LAYN: variants seen among roughly 807,000 people sequenced by gnomAD.
LAYN encodes the protein layilin.
Under a neutral mutation model 43.6 loss-of-function variants are expected in LAYN, and 38 were observed. That is an observed-to-expected ratio of 0.87 (90% CI 0.67 to 1.14). LAYN has a LOEUF of 1.14. LAYN is among the 50% of genes most tolerant of loss of function. LAYN has a pLI of 0.00. For missense variants in LAYN, 479 were observed against 463.8 expected (o/e 1.03, Z -0.30); for synonymous variants, 168 against 172.9 (o/e 0.97, Z 0.22).
intron 4 of LAYN, 92 bp from the exon 5 acceptor site, chr11:111,555,115 T>A (rs1328650469): frequency 3.1e-6 from 3 of 964,788 alleles, no homozygotes; most frequent in Non-Finnish European, 4.8e-6. Flanking sequence ...TTCTACAGCT[T>A]TTTTGCATCC....
intron 6 of LAYN, 102 bp from the exon 7 acceptor site, chr11:111,559,993 G>A: frequency 7.3e-7 from 1 of 1,364,580 alleles, no homozygotes; most frequent in Non-Finnish European, 9.9e-7. Flanking sequence ...CATGCAGCTG[G>A]GTGACTGCCC....
At chr11:111,541,456 T>A in intron 1 of LAYN, 1 of 1,128,850 alleles carries the variant, frequency 8.9e-7, no homozygotes, top group Non-Finnish European at 1.3e-6. Context: ...GCGCCCGGTA[T>A]GAGAGCGCTT....
At chr11:111,544,242 C>G in intron 2 of LAYN, 22 bp downstream of exon 2, 2 of 1,593,614 alleles carry the variant, frequency 1.3e-6, no homozygotes, top group Non-Finnish European at 1.7e-6. Flanking sequence ...GAACCCACAG[C>G]TGCTGACTCA....
At chr11:111,550,513 T>C (rs1458480990) in intron 3 of LAYN, among the ~76,000 whole-genome samples, 2 of 152,254 alleles carry the variant, frequency 1.3e-5, no homozygotes, top group East Asian at 3.8e-4. Context: ...TCTTTCTTGA[T>C]AGGAGTAGAG....
intron 3 of LAYN, among the ~76,000 whole-genome samples, chr11:111,550,775 G>T (rs541399051): frequency 6.6e-6 from 1 of 152,128 alleles, no homozygotes. Context: ...CAAGGCACTT[G>T]TTACATACTG....
intron 1 of LAYN, among the ~76,000 whole-genome samples, chr11:111,541,929 G>C (rs1202106597): frequency 6.6e-6 from 1 of 152,134 alleles, no homozygotes; most frequent in Non-Finnish European, 1.5e-5. Flanking sequence ...CTGAAGGCAG[G>C]AGAACCAGAT....
At chr11:111,557,935 CA>C (rs1307129467) in intron 6 of LAYN, among the ~76,000 whole-genome samples, 1 of 152,138 alleles carries the variant, frequency 6.6e-6, no homozygotes, top group East Asian at 1.9e-4. Context: ...CGTCACCCAG[CA>C]AAAATGCTCT....
chr11:111,546,527 A>T (rs1867651111), intron 2 of LAYN, among the ~76,000 whole-genome samples: 1 of 152,228 alleles, frequency 6.6e-6, no homozygotes, highest in Non-Finnish European at 1.5e-5. Context: ...CCTACCCTTG[A>T]ACCAGGCTCA....
chr11:111,542,558 A>G (rs1015316058), intron 1 of LAYN, among the ~76,000 whole-genome samples: 5 of 152,164 alleles, frequency 3.3e-5, no homozygotes, highest in Admixed American at 3.3e-4. Context: ...TTGGGAATTA[A>G]TGAATGCTAT....
chr11:111,541,015 T>G, intron 1 of LAYN, 87 bp downstream of exon 1: 3 of 1,283,312 alleles, frequency 2.3e-6, no homozygotes, highest in Non-Finnish European at 3.2e-6. Context: ...GGTCGCCACG[T>G]ATGGGACTAG....
intron 2 of LAYN, 29 bp downstream of exon 2, chr11:111,544,249 C>T (rs774594570): frequency 3.2e-6 from 5 of 1,586,982 alleles, no homozygotes; most frequent in Non-Finnish European, 4.3e-6. Flanking sequence ...CAGCTGCTGA[C>T]TCACTTGACA....
At chr11:111,556,835 CA>C (rs1410473248) in intron 5 of LAYN, among the ~76,000 whole-genome samples, 1 of 152,098 alleles carries the variant, frequency 6.6e-6, no homozygotes, top group Non-Finnish European at 1.5e-5. Context: ...TGATTCCTCC[CA>C]AAGCCACTTG....
chr11:111,558,614 T>A lies in LAYN; in HGVS notation c.761+971T>A, dbSNP rs1326448808. ...TCAGTTGGTTCTTGATTTCCTTTCC[T>A]GACTCTCTGTTTTGTACTTTAACAG... On this transcript the variant is annotated intron_variant, in intron 6 of 6. Transcript: ENST00000375614. Among the ~76,000 whole-genome samples the A allele has an allele frequency of 3.3e-5, 5 of 152,210 alleles. No homozygotes were observed. In the East Asian group the frequency reaches 9.6e-4, roughly 29 times the overall value.
In LAYN at chr11:111,560,557, G is replaced by A; in HGVS notation, c.*99G>A. ...AAATACACAGAAGGTCTATGAACAAGCTTAGATCAGGTCCTGTGGATGAGC... is the reference window on the plus strand; with the variant it reads ...AAATACACAGAAGGTCTATGAACAAACTTAGATCAGGTCCTGTGGATGAGC... On this transcript the variant is annotated 3_prime_UTR_variant, in exon 7 of 7. Coordinates refer to ENST00000375614, the MANE Select transcript of LAYN (RefSeq NM_178834.5). The A allele has an allele frequency of 1.5e-6, 2 of 1,322,560 alleles. No individual in the cohort carries two copies. The highest frequency in any genetic ancestry group is 2.1e-6 in the Non-Finnish European group (2 of 975,210). The allele number at this position is 1,322,560 out of a possible 1,614,324, so 81.9% of individuals were successfully genotyped here.
At chr11:111,540,628 G>A, upstream of LAYN, 1 of 509,050 alleles carries the variant, frequency 2.0e-6, no homozygotes, top group Non-Finnish European at 3.4e-6. Flanking sequence ...GCTGTCGGGG[G>A]CGGGCCAGCC....
chr11:111,556,174 T>A (rs1003303416), intron 5 of LAYN, among the ~76,000 whole-genome samples: 1 of 152,202 alleles, frequency 6.6e-6, no homozygotes, highest in African/African-American at 2.4e-5. Context: ...TATTTATGAC[T>A]AGATTGATTG....
intron 3 of LAYN, among the ~76,000 whole-genome samples, chr11:111,550,592 A>G (rs966293561): frequency 1.3e-5 from 2 of 152,180 alleles, no homozygotes; most frequent in Admixed American, 6.5e-5. Flanking sequence ...GAACTGGACT[A>G]TGGTTTGGTG....
upstream of LAYN, chr11:111,540,451 C>A: frequency 3.8e-6 from 1 of 266,308 alleles, no homozygotes. Flanking sequence ...ACACTGTGCT[C>A]GTTATCAGAT....
intron 3 of LAYN, among the ~76,000 whole-genome samples, chr11:111,553,551 G>A (rs111724913): frequency 0.011 from 1,719 of 151,360 alleles, 41 homozygotes; most frequent in African/African-American, 0.039. Flanking sequence ...CCCGGGAGGC[G>A]GAGGTTGCAG....
Sources: allele counts gnomAD v4.1 joint callset (sites outside exome capture counted in the v4.1 genomes callset), GRCh38; gene constraint gnomAD v4.1.1; transcripts MANE v1.5; gene names NCBI Gene and HGNC (gene_info 2026-07-23, HGNC 2026-07-21).